The following MAPK4 variants were observed in gnomAD, a reference collection of about 807,000 sequenced individuals.
The protein encoded by MAPK4 is mitogen-activated protein kinase 4, also known as Erk3-related.
A neutral mutation model predicts 47.7 loss-of-function variants in MAPK4; 22 were observed. That is an observed-to-expected ratio of 0.46 (90% confidence interval 0.33 to 0.66). The LOEUF (loss-of-function observed/expected upper bound fraction) is 0.66, where lower values mean the gene tolerates loss of function less well. MAPK4 is among the 30% of genes least tolerant of loss of function. MAPK4 has a pLI of 0.02. For synonymous variants in MAPK4, 390 were observed against 365.7 expected (o/e 1.07, Z -0.76); for missense variants, 736 against 831.7 (o/e 0.88, Z 1.42).
chr18:50,601,024 G>A (rs540975935), intron 1 of MAPK4, among the ~76,000 whole-genome samples: 4 of 151,302 alleles, frequency 2.6e-5, no homozygotes, highest in South Asian at 2.1e-4. Flanking sequence ...TTGGAAGGCC[G>A]AGGTGGGCAG....
rs1049590935 is a variant in MAPK4, at chr18:50,678,465, C to T, written c.546+13961C>T. On this transcript the variant is annotated intron_variant, in intron 2 of 5. Transcript: ENST00000400384. This position sits in a 1 kb window ranked among gnomAD's most constrained non-coding sequence, Gnocchi z 4.2. ...CGGCAGTGACCAATCAGAGTAGATA[C>T]TGTCTGGGAGCCGCCATCACCCCTC... Among the ~76,000 whole-genome samples, 6 of 152,128 alleles carry T rather than the reference C, an allele frequency of 3.9e-5. No individual in the cohort carries two copies. Among genetic ancestry groups the T allele is most frequent in the African/African-American group, 1.2e-4 (5 of 41,418 alleles).
intron 1 of MAPK4, among the ~76,000 whole-genome samples, chr18:50,624,836 AGCTGCCTGGGAAGCTTTG>A (rs1168653329): frequency 2.0e-5 from 3 of 152,004 alleles, no homozygotes; most frequent in African/African-American, 4.8e-5. Flanking sequence ...TGCCTGGTAC[AGCTGCCTGGGAAGCTTTG>A]GCTGCCTGGG....
At chr18:50,568,509 G>A (rs1157899352) in intron 1 of MAPK4, among the ~76,000 whole-genome samples, 2 of 152,134 alleles carry the variant, frequency 1.3e-5, no homozygotes, top group Admixed American at 6.5e-5. Flanking sequence ...GTAAAATAAC[G>A]TAACCACAGT....
rs149006617 is a variant in MAPK4 at position 50,578,832 on chromosome 18, A to G, written c.-871+18589A>G. On this transcript the variant is annotated intron_variant, in intron 1 of 5. Coordinates refer to ENST00000400384, the MANE Select transcript of MAPK4 (RefSeq NM_002747.4). Reference sequence around the variant, plus strand: ...CACCTGGGGCTTTCAGGGGACAAACATGGGCAGGAGGGAGTGTGACTCAGA... The same window carrying G: ...CACCTGGGGCTTTCAGGGGACAAACGTGGGCAGGAGGGAGTGTGACTCAGA... Among the ~76,000 whole-genome samples, 282 of 152,288 alleles carry G rather than the reference A, an allele frequency of 1.9e-3. 2 individuals are homozygous for G. The highest frequency in any genetic ancestry group is 6.4e-3 in the African/African-American group (267 of 41,552).
At chr18:50,630,004 G>A (rs1305486231) in intron 1 of MAPK4, 1 of 152,188 alleles carries the variant, frequency 6.6e-6, no homozygotes, top group South Asian at 2.1e-4. Flanking sequence ...ATGAACATTA[G>A]CTTTAGACAG....
At chr18:50,574,967 G>A (rs1598787046) in intron 1 of MAPK4, among the ~76,000 whole-genome samples, 2 of 152,308 alleles carry the variant, frequency 1.3e-5, no homozygotes, top group Middle Eastern at 6.8e-3. Flanking sequence ...TTCTGACCTG[G>A]TGAGTGAACT....
At chr18:50,605,363 G>A (rs895404644) in intron 1 of MAPK4, among the ~76,000 whole-genome samples, 3 of 152,308 alleles carry the variant, frequency 2.0e-5, no homozygotes, top group Non-Finnish European at 4.4e-5. Flanking sequence ...GTACTGCTCT[G>A]AGGGAGAAAT....
chr18:50,641,523 C>T (rs2042941300), intron 1 of MAPK4, among the ~76,000 whole-genome samples: 1 of 151,994 alleles, frequency 6.6e-6, no homozygotes, highest in South Asian at 2.1e-4. Context: ...AAATTGTAAC[C>T]AAAATAACAC....
intron 3 of MAPK4, among the ~76,000 whole-genome samples, chr18:50,716,905 C>G (rs1433520276): frequency 6.6e-6 from 1 of 152,144 alleles, no homozygotes; most frequent in African/African-American, 2.4e-5. Context: ...CCTTGCTCAC[C>G]ATTGCTTGCC....
chr18:50,691,241 G>T (rs538514266), intron 2 of MAPK4, among the ~76,000 whole-genome samples: 1 of 152,068 alleles, frequency 6.6e-6, no homozygotes, highest in Admixed American at 6.5e-5. Context: ...CAATCCGCCC[G>T]CCTTGGCCTC....
intron 1 of MAPK4, among the ~76,000 whole-genome samples, chr18:50,660,436 G>A (rs891139301): frequency 3.9e-5 from 6 of 152,190 alleles, no homozygotes; most frequent in African/African-American, 1.4e-4. Flanking sequence ...CCTAGGAAAC[G>A]TGGGCATCAC....
At position 50,678,838 on chromosome 18, in the gene MAPK4, T is replaced by C. The variant is rs980386429; in HGVS notation, c.546+14334T>C. ...GGGGGAGCCATTCCTTGCCCTCCCTTTTGTGGCATGGCGGCCCCACCTTTG... is the reference window on the plus strand; with the variant it reads ...GGGGGAGCCATTCCTTGCCCTCCCTCTTGTGGCATGGCGGCCCCACCTTTG... On this transcript the variant is annotated intron_variant, in intron 2 of 5. Transcript: ENST00000400384. The surrounding 1 kb of genome is among the most constrained non-coding windows in gnomAD (Gnocchi z 4.2). 5.3e-5 allele frequency among the ~76,000 whole-genome samples: 8 copies of C among 152,226 alleles called. No individual in the cohort carries two copies. Among genetic ancestry groups the C allele is most frequent in the African/African-American group, 1.7e-4 (7 of 41,556 alleles).
intron 1 of MAPK4, among the ~76,000 whole-genome samples, chr18:50,593,138 C>A (rs753702553): frequency 2.0e-5 from 3 of 152,222 alleles, no homozygotes; most frequent in Non-Finnish European, 4.4e-5. Flanking sequence ...AAACTGTGCA[C>A]TTAATTACCA....
At chr18:50,612,642 G>T (rs1329827615) in intron 1 of MAPK4, among the ~76,000 whole-genome samples, 2 of 152,196 alleles carry the variant, frequency 1.3e-5, no homozygotes, top group Non-Finnish European at 2.9e-5. Context: ...CAGCAGGGAT[G>T]CAAATTCTAA....
At chr18:50,567,627 T>C (rs1000347090) in intron 1 of MAPK4, among the ~76,000 whole-genome samples, 30 of 152,224 alleles carry the variant, frequency 2.0e-4, no homozygotes, top group African/African-American at 2.4e-4. Flanking sequence ...ATACTTGTTT[T>C]GTAATTACTT....
intron 2 of MAPK4, among the ~76,000 whole-genome samples, chr18:50,703,598 C>T (rs1233399695): frequency 6.6e-6 from 1 of 152,180 alleles, no homozygotes; most frequent in Non-Finnish European, 1.5e-5. Flanking sequence ...TTTCCTCTCC[C>T]AGGTATCGAG....
intron 1 of MAPK4, among the ~76,000 whole-genome samples, chr18:50,622,153 G>A (rs966192643): frequency 6.6e-6 from 1 of 152,240 alleles, no homozygotes; most frequent in Non-Finnish European, 1.5e-5. Context: ...CCCTGAGGTG[G>A]TGATGGGGTT....
At chr18:50,625,548 GGAGTAGAA>G (rs2042769716) in intron 1 of MAPK4, among the ~76,000 whole-genome samples, 1 of 152,168 alleles carries the variant, frequency 6.6e-6, no homozygotes, top group Non-Finnish European at 1.5e-5. Context: ...AGGAGGCCAA[GGAGTAGAA>G]GACAGCCCCT....
intron 1 of MAPK4, among the ~76,000 whole-genome samples, chr18:50,572,433 A>C (rs2042258051): frequency 6.6e-6 from 1 of 152,206 alleles, no homozygotes; most frequent in African/African-American, 2.4e-5. Flanking sequence ...CATGATTCCA[A>C]AGTGATAATG....
Sources: allele counts gnomAD v4.1 joint callset (sites outside exome capture counted in the v4.1 genomes callset), GRCh38; gene constraint gnomAD v4.1.1; non-coding constraint Gnocchi (gnomAD v3.1); transcripts MANE v1.5; gene names NCBI Gene and HGNC (gene_info 2026-07-23, HGNC 2026-07-21).